Variants in BDKRB2 observed in about 807,000 individuals in gnomAD.
BDKRB2 encodes the protein B2 bradykinin receptor.
In BDKRB2, 6 loss-of-function variants were observed where a neutral mutation model predicts 4.0. That is an observed-to-expected ratio of 1.49 (90% CI 0.81 to 2.93). The LOEUF (loss-of-function observed/expected upper bound fraction) is 2.93. Among genes scored for constraint, BDKRB2 ranks in the 30% most tolerant of loss-of-function variants. The probability of loss-of-function intolerance (pLI) is 0.00; values close to 1 mark genes in which losing one functional copy is unlikely to be tolerated. For missense variants in BDKRB2, 478 were observed against 520.1 expected, an observed-to-expected ratio of 0.92 and a Z score of 0.79; for synonymous variants, 225 against 215.3, an observed-to-expected ratio of 1.05 and a Z score of -0.40.
chr14:96,237,980 G>T (rs1890977330), intron 2 of BDKRB2: 4 of 1,183,250 alleles, frequency 3.4e-6, no homozygotes, highest in Non-Finnish European at 4.3e-6. Flanking sequence ...GCAGGAAATG[G>T]GTTTTCTGTA....
At position 96,222,467 on chromosome 14, in the gene BDKRB2, T is replaced by C. The variant is rs578097011; in HGVS notation, c.-39-14602T>C. ...GATGACAGCCCCCATCCTGAGCCTA[T>C]CCAGCCACCACCAAGAGCCACCTCA... On this transcript the variant is annotated intron_variant, in intron 1 of 2. Transcript: ENST00000554311. Among the ~76,000 whole-genome samples the C allele has an allele frequency of 3.7e-4, 56 of 152,172 alleles. 1 individual carries two copies. The highest frequency in any genetic ancestry group is 3.3e-3 in the Admixed American group (50 of 15,296).
chr14:96,228,933 G>T (rs1566692789), intron 1 of BDKRB2, among the ~76,000 whole-genome samples: 1 of 152,214 alleles, frequency 6.6e-6, no homozygotes, highest in Non-Finnish European at 1.5e-5. Flanking sequence ...ACTGTCTCAG[G>T]TTGCCTCGCT....
At chr14:96,240,253 G>A in intron 2 of BDKRB2, 150 bp from the exon 3 acceptor site, 3 of 1,329,968 alleles carry the variant, frequency 2.3e-6, no homozygotes, top group Non-Finnish European at 2.9e-6. Context: ...CAGGTGCACT[G>A]GAGCGCGGGC....
At chr14:96,218,785 A>G (rs1890484866) in intron 1 of BDKRB2, among the ~76,000 whole-genome samples, 1 of 151,872 alleles carries the variant, frequency 6.6e-6, no homozygotes, top group Non-Finnish European at 1.5e-5. Context: ...CAGGTGTGGT[A>G]GCTCATGCCT....
intron 1 of BDKRB2, chr14:96,210,888 A>T (rs1446340517): frequency 6.6e-6 from 1 of 152,112 alleles, no homozygotes; most frequent in Non-Finnish European, 1.5e-5. Flanking sequence ...CCCAAAAGCC[A>T]CTCTCCTCAG....
intron 1 of BDKRB2, among the ~76,000 whole-genome samples, chr14:96,209,960 C>T (rs1191869333): frequency 6.6e-6 from 1 of 151,986 alleles, no homozygotes; most frequent in Admixed American, 6.6e-5. Flanking sequence ...CACACCACTG[C>T]ACTCCAGGCT....
intron 1 of BDKRB2, among the ~76,000 whole-genome samples, chr14:96,226,644 G>T (rs1595256711): frequency 1.9e-5 from 2 of 106,890 alleles, no homozygotes; most frequent in East Asian, 5.9e-4. Context: ...ACAAAAGTGA[G>T]ACTTGGTCTC....
chr14:96,239,834 A>G (rs1299822833), intron 2 of BDKRB2: 2 of 985,390 alleles, frequency 2.0e-6, no homozygotes, highest in Middle Eastern at 5.2e-4. Flanking sequence ...GTATCCTCCA[A>G]TCATCTTCAG....
chr14:96,216,476 T>C (rs1173731128), intron 1 of BDKRB2, among the ~76,000 whole-genome samples: 2 of 151,672 alleles, frequency 1.3e-5, no homozygotes, highest in East Asian at 3.9e-4. Flanking sequence ...ATTTAAAAAT[T>C]AGTGAGCTGT....
At chr14:96,210,439 T>C (rs899026326) in intron 1 of BDKRB2, among the ~76,000 whole-genome samples, 4 of 152,218 alleles carry the variant, frequency 2.6e-5, no homozygotes, top group African/African-American at 9.6e-5. Flanking sequence ...CTTGCCTTTG[T>C]CTTGCTTTTA....
At chr14:96,239,269 C>A in intron 2 of BDKRB2, 1 of 974,490 alleles carries the variant, frequency 1.0e-6, no homozygotes, top group African/African-American at 1.8e-5. Flanking sequence ...GTTGCAACAG[C>A]CATGAAAAAA....
rs1252543566 is a variant in BDKRB2, at chr14:96,204,960, G to A, written c.-40+1G>A. The A allele has an allele frequency of 1.3e-5, 3 of 230,296 alleles. No individual in the cohort carries two copies. Among genetic ancestry groups the A allele is most frequent in the South Asian group, 1.1e-4 (3 of 27,046 alleles). The allele number at this position is 230,296 out of a possible 1,614,324, so 14.3% of individuals were successfully genotyped here. On this transcript the variant is annotated splice_donor_variant, in intron 1 of 2. Transcript: ENST00000554311. LOFTEE classifies it low-confidence loss of function (5UTR_SPLICE). ...GCCCATGCCGCTTGCTCCGGAGAAG[G>A]TGGGTGCCGGGCAGGGGCTGCTCCA...
chr14:96,243,507 A>G lies in BDKRB2; in HGVS notation c.*2003A>G. On this transcript the variant is annotated 3_prime_UTR_variant, in exon 3 of 3. Transcript: ENST00000554311. ...AGGGCTAGAACCTGGAAGGGCTAGA[A>G]CCTGTAGAGCTAGAACATGGAGAGC... The G allele has an allele frequency of 6.7e-6, 1 of 149,706 alleles. No homozygotes were observed. The highest frequency in any genetic ancestry group is 6.6e-5 in the Admixed American group (1 of 15,094). 9.3% of individuals were successfully genotyped at this position (149,706 alleles called of 1,614,324 possible).
rs566804303 is a variant in BDKRB2 at position 96,216,089 on chromosome 14, A to C, written c.-40+11130A>C. Among the ~76,000 whole-genome samples, 4 of 152,280 alleles carry C rather than the reference A, an allele frequency of 2.6e-5. No individual in the cohort carries two copies. The East Asian group carries it at 7.7e-4, about 29-fold the overall frequency. The stretch of plus-strand genomic sequence containing the variant: ...ATTTTGTTTCTGGCTCCAAAAATGA[A>C]ATACCAAGGAAAGTAGGCAAGCTCA... On this transcript the variant is annotated intron_variant, in intron 1 of 2. Coordinates refer to ENST00000554311, the MANE Select transcript of BDKRB2 (RefSeq NM_001379692.1).
At chr14:96,218,906 G>A (rs577034519) in intron 1 of BDKRB2, among the ~76,000 whole-genome samples, 5 of 151,732 alleles carry the variant, frequency 3.3e-5, no homozygotes, top group African/African-American at 9.7e-5. Context: ...GTGACAGAGC[G>A]AGACCCCATT....
chr14:96,208,230 T>C (rs1890233448), intron 1 of BDKRB2, among the ~76,000 whole-genome samples: 1 of 152,214 alleles, frequency 6.6e-6, no homozygotes, highest in South Asian at 2.1e-4. Context: ...CCTAAGGCTC[T>C]GCTTCCCCAA....
At chr14:96,222,882 T>C (rs1426490506) in intron 1 of BDKRB2, among the ~76,000 whole-genome samples, 2 of 152,118 alleles carry the variant, frequency 1.3e-5, no homozygotes, top group African/African-American at 4.8e-5. Flanking sequence ...CACCTGTGTC[T>C]TTTTACTTTT....
rs114451289 is a variant in BDKRB2 at position 96,219,691 on chromosome 14, C to T, written c.-40+14732C>T. Among the ~76,000 whole-genome samples the T allele has an allele frequency of 7.8e-4, 119 of 152,132 alleles. 1 individual carries two copies. The highest frequency in any genetic ancestry group is 2.8e-3 in the African/African-American group (117 of 41,436). Reference sequence around the variant, plus strand: ...CCTTTCAACAAATATTTCCTGAGCCCCTGTCGTAGGCCAGGCCCAGTGCTA... The same window carrying T: ...CCTTTCAACAAATATTTCCTGAGCCTCTGTCGTAGGCCAGGCCCAGTGCTA... On this transcript the variant is annotated intron_variant, in intron 1 of 2. Coordinates refer to ENST00000554311, the MANE Select transcript of BDKRB2 (RefSeq NM_001379692.1).
chr14:96,226,224 T>A (rs1011279386), intron 1 of BDKRB2, among the ~76,000 whole-genome samples: 1 of 152,206 alleles, frequency 6.6e-6, no homozygotes, highest in African/African-American at 2.4e-5. Context: ...AGGTTTGATG[T>A]AAGCTCCCCA....
Sources: gnomAD v4.1 joint callset for allele counts (sites outside exome capture counted in the v4.1 genomes callset) on GRCh38, gnomAD v4.1.1 for gene constraint, MANE v1.5 for transcripts, NCBI Gene and HGNC (gene_info 2026-07-23, HGNC 2026-07-21) for gene names.